The following PLPP1 variants were observed in gnomAD, a reference collection of about 807,000 sequenced individuals.
PLPP1 encodes the protein phospholipid phosphatase 1, also known as lipid phosphate phosphohydrolase 1a.
In PLPP1, 24 loss-of-function variants were observed where a neutral mutation model predicts 31.2. That is an observed-to-expected ratio of 0.77 (90% confidence interval 0.56 to 1.08). The LOEUF is 1.08. PLPP1 is among the 50% of genes least tolerant of loss of function. The pLI is 0.00. For missense variants in PLPP1, 319 were observed against 342.7 expected (o/e 0.93, Z 0.55); for synonymous variants, 146 against 126.3 (o/e 1.16, Z -1.05).
intron 4 of PLPP1, among the ~76,000 whole-genome samples, chr5:55,439,492 G>A (rs1018981916): frequency 2.6e-5 from 4 of 152,120 alleles, no homozygotes; most frequent in Admixed American, 6.5e-5. Context: ...TTTGAAAGTC[G>A]TTTCTTCCTT....
chr5:55,458,764 TGTAATCC>T (rs1330978748), intron 3 of PLPP1, among the ~76,000 whole-genome samples: 2 of 151,668 alleles, frequency 1.3e-5, no homozygotes, highest in African/African-American at 2.4e-5. Flanking sequence ...GGCGCATGCC[TGTAATCC>T]CAGCTACTCG....
At chr5:55,436,503 A>T (rs1417456699) in intron 4 of PLPP1, among the ~76,000 whole-genome samples, 1 of 152,164 alleles carries the variant, frequency 6.6e-6, no homozygotes, top group Non-Finnish European at 1.5e-5. Context: ...GGGAACTGGG[A>T]GTCCAATTAA....
chr5:55,530,507 C>G, intron 1 of PLPP1: 1 of 1,197,752 alleles, frequency 8.3e-7, no homozygotes, highest in Non-Finnish European at 1.2e-6. Context: ...TATTGCTGTT[C>G]CCTACTGAAT....
chr5:55,465,225 A>G (rs1440681838), intron 3 of PLPP1, among the ~76,000 whole-genome samples: 1 of 151,908 alleles, frequency 6.6e-6, no homozygotes, highest in South Asian at 2.1e-4. Flanking sequence ...TTGTATTTTT[A>G]GTAGAGACAG....
In PLPP1 at chr5:55,425,114, G is replaced by C. The variant is rs1312884595; in HGVS notation, c.*92C>G. On this transcript the variant is annotated 3_prime_UTR_variant, in exon 6 of 6. Transcript: ENST00000307259. Reference sequence around the variant, plus strand: ...CAGCAGCAGAAGTCTTTAAAGGCTTGTACACCAGGAAGAAAGATGCATCCT... The same window carrying C: ...CAGCAGCAGAAGTCTTTAAAGGCTTCTACACCAGGAAGAAAGATGCATCCT... The C allele has an allele frequency of 2.7e-6, 4 of 1,474,860 alleles. No individual in the cohort carries two copies. In the Admixed American group the frequency reaches 8.8e-5, roughly 32 times the overall value. 91.4% of individuals were successfully genotyped at this position (1,474,860 alleles called of 1,614,324 possible). A position where few individuals can be genotyped will look rare whatever the true frequency, so the allele number is the denominator to read the frequency against.
chr5:55,444,191 C>T (rs969452107), intron 3 of PLPP1, among the ~76,000 whole-genome samples: 6 of 111,114 alleles, frequency 5.4e-5, no homozygotes, highest in Admixed American at 1.0e-4. Flanking sequence ...AAGCGATTCT[C>T]CTGCCTCAGC....
intron 1 of PLPP1, among the ~76,000 whole-genome samples, chr5:55,492,579 G>A (rs1401690108): frequency 6.6e-6 from 1 of 152,146 alleles, no homozygotes; most frequent in East Asian, 1.9e-4. Context: ...ATAGGGAGGA[G>A]CACAGGGAGA....
intron 1 of PLPP1, among the ~76,000 whole-genome samples, chr5:55,489,903 T>C (rs947928855): frequency 1.3e-5 from 2 of 152,270 alleles, no homozygotes; most frequent in Admixed American, 1.3e-4. Context: ...GAGGTAAATC[T>C]TCACCTTGCT....
intron 2 of PLPP1, among the ~76,000 whole-genome samples, chr5:55,470,072 G>A (rs1030432761): frequency 1.3e-5 from 2 of 152,190 alleles, no homozygotes; most frequent in African/African-American, 4.8e-5. Context: ...ACAGGTCACA[G>A]GAGAGGTAAA....
intron 1 of PLPP1, among the ~76,000 whole-genome samples, chr5:55,507,731 G>T (rs991508808): frequency 2.0e-5 from 3 of 152,128 alleles, no homozygotes; most frequent in African/African-American, 7.2e-5. Flanking sequence ...GAGCCCTCTG[G>T]GTTCACCTGG....
intron 1 of PLPP1, among the ~76,000 whole-genome samples, chr5:55,522,793 A>G (rs1212565864): frequency 6.6e-6 from 1 of 152,120 alleles, no homozygotes; most frequent in Non-Finnish European, 1.5e-5. Context: ...ATCTCGGCTC[A>G]CTGCAAGCTC....
chr5:55,475,541 A>G, intron 1 of PLPP1, 91 bp from the exon 2 acceptor site: 1 of 1,220,914 alleles, frequency 8.2e-7, no homozygotes, highest in Non-Finnish European at 1.1e-6. Context: ...CTGTCTAAAA[A>G]TGCATTTGCC....
rs1172822252 is a variant in PLPP1, at chr5:55,430,657, G to A, written c.550-4618C>T. On this transcript the variant is annotated intron_variant, in intron 4 of 5. Coordinates refer to ENST00000307259, the MANE Select transcript of PLPP1 (RefSeq NM_003711.4). The stretch of plus-strand genomic sequence containing the variant: ...CTGTTAAACCAGATGTACAGATACC[G>A]AAATACGGATTCAAGAAACATGAAG... 4.1e-4 allele frequency among the ~76,000 whole-genome samples: 62 copies of A among 152,144 alleles called. 2 individuals are homozygous for A. The highest frequency in any genetic ancestry group is 4.0e-3 in the Admixed American group (61 of 15,270).
At chr5:55,446,228 A>G (rs1751761503) in intron 3 of PLPP1, among the ~76,000 whole-genome samples, 2 of 152,078 alleles carry the variant, frequency 1.3e-5, no homozygotes, top group Admixed American at 1.3e-4. Context: ...AACACGTAAG[A>G]CCTTTGCATT....
chr5:55,435,951 T>C (rs1326936489), intron 4 of PLPP1, among the ~76,000 whole-genome samples: 1 of 147,062 alleles, frequency 6.8e-6, no homozygotes, highest in Non-Finnish European at 1.5e-5. Context: ...AAGGCGGAGG[T>C]TGCAGTGAGC....
At chr5:55,517,719 T>C (rs1029479789) in intron 1 of PLPP1, among the ~76,000 whole-genome samples, 1 of 152,242 alleles carries the variant, frequency 6.6e-6, no homozygotes, top group African/African-American at 2.4e-5. Context: ...ACAATCTCTT[T>C]ACGGGACAGC....
chr5:55,448,099 A>C (rs1364103185), intron 3 of PLPP1, among the ~76,000 whole-genome samples: 1 of 152,246 alleles, frequency 6.6e-6, no homozygotes, highest in African/African-American at 2.4e-5. Flanking sequence ...ATATATGAGC[A>C]ATGACCTCTT....
chr5:55,493,879 CAAA>C (rs35683543), intron 1 of PLPP1, among the ~76,000 whole-genome samples: 8 of 95,720 alleles, frequency 8.4e-5, no homozygotes, highest in African/African-American at 7.3e-5. Flanking sequence ...GACTCCATCT[CAAA>C]AAAAAAAAAA....
At chr5:55,449,380 A>G (rs190346715) in intron 3 of PLPP1, among the ~76,000 whole-genome samples, 3 of 152,360 alleles carry the variant, frequency 2.0e-5, no homozygotes, top group East Asian at 1.9e-4. Context: ...TTTTAAAGTA[A>G]TGGTTGTCAA....
Sources: allele counts gnomAD v4.1 joint callset (sites outside exome capture counted in the v4.1 genomes callset), GRCh38; gene constraint gnomAD v4.1.1; transcripts MANE v1.5; gene names NCBI Gene and HGNC (gene_info 2026-07-23, HGNC 2026-07-21).